Variants in ZBTB46 observed in about 807,000 individuals in gnomAD.
ZBTB46 encodes zinc finger and BTB domain containing 46.
Under a neutral mutation model 44.1 loss-of-function variants are expected in ZBTB46, and 8 were observed. That is an observed-to-expected ratio of 0.18 (90% CI 0.11 to 0.33). The LOEUF is 0.33. Among genes scored for constraint, ZBTB46 ranks in the 10% least tolerant of loss-of-function variants. The pLI, the probability that ZBTB46 is intolerant of heterozygous loss-of-function variation, is 1.00. For missense variants in ZBTB46, 651 were observed against 847.7 expected (o/e 0.77, Z 2.88); for synonymous variants, 409 against 382.3 (o/e 1.07, Z -0.81).
chr20:63,778,443 A>G (rs936273370), intron 2 of ZBTB46, among the ~76,000 whole-genome samples: 5 of 152,258 alleles, frequency 3.3e-5, no homozygotes, highest in Admixed American at 3.3e-4. Flanking sequence ...AATCGGGATC[A>G]GAACCACAGA....
chr20:63,767,864 A>G lies in ZBTB46; in HGVS notation c.1222+7814T>C. ...CCATCCAGGCCTGGGCTGGAAGAAG[A>G]CTCCTCAGGCATCCTGGACAGGCCA... On this transcript the variant is annotated intron_variant, in intron 3 of 4. Transcript: ENST00000245663. The surrounding 1 kb of genome is among the most constrained non-coding windows in gnomAD (Gnocchi z 5.0). 5 of 984,154 alleles carry G rather than the reference A, an allele frequency of 5.1e-6. No individual in the cohort carries two copies. The highest frequency in any genetic ancestry group is 6.0e-6 in the Non-Finnish European group (5 of 829,020). 61.0% of individuals were successfully genotyped at this position (984,154 alleles called of 1,614,324 possible).
intron 1 of ZBTB46, among the ~76,000 whole-genome samples, chr20:63,815,566 GGGCACA>G (rs1478049840): frequency 1.4e-5 from 2 of 139,456 alleles, no homozygotes; most frequent in East Asian, 4.8e-4. Flanking sequence ...GGGTGCAGAT[GGGCACA>G]GGTGCAGGTG....
intron 1 of ZBTB46, among the ~76,000 whole-genome samples, chr20:63,802,793 C>T (rs1158047841): frequency 6.9e-6 from 1 of 144,884 alleles, no homozygotes; most frequent in Non-Finnish European, 1.5e-5. Flanking sequence ...CCGCCGTGGC[C>T]GACGACCGAA....
chr20:63,800,715 A>G (rs777263627), intron 1 of ZBTB46, among the ~76,000 whole-genome samples: 18 of 152,230 alleles, frequency 1.2e-4, no homozygotes, highest in Non-Finnish European at 2.1e-4. Context: ...GGTGTCCGCC[A>G]GCAGTGCCGG....
At chr20:63,769,534 G>A (rs1291990751) in intron 3 of ZBTB46, among the ~76,000 whole-genome samples, 3 of 152,170 alleles carry the variant, frequency 2.0e-5, no homozygotes, top group Admixed American at 6.5e-5. Context: ...GTGTTTGAAC[G>A]CTTTGATCAG....
chr20:63,785,277 G>T (rs2092505608), intron 2 of ZBTB46, among the ~76,000 whole-genome samples: 1 of 150,332 alleles, frequency 6.7e-6, no homozygotes, highest in Non-Finnish European at 1.5e-5. Context: ...AAGGGACTTT[G>T]TGGCCCGGCA....
chr20:63,790,120 G>A lies in ZBTB46; in HGVS notation c.638C>T (p.Ser213Leu), dbSNP rs1252839805. The change falls in exon 2 of 5, where the codon TCA (serine) becomes TTA (leucine). Residue 213 changes from serine (S) to leucine (L), a missense_variant. By Grantham distance (145) the Ser-to-Leu change is moderately radical. This residue lies in a region of ZBTB46 where 385 missense variants were observed against 423.3 expected (regional missense o/e 0.91). Transcript: ENST00000245663. ...PKADGPDDVS[S>L]QPLWPGDVGY... ...CACGTCTCCAGGCCATAGAGGCTGTGAAGAAACATCATCAGGGCCATCGGC... is the reference window on the plus strand; with the variant it reads ...CACGTCTCCAGGCCATAGAGGCTGTAAAGAAACATCATCAGGGCCATCGGC... 6.2e-7 allele frequency: 1 copy of A among 1,614,042 alleles called. No homozygotes were observed.
chr20:63,828,912 C>T (rs2092833708), intron 1 of ZBTB46, among the ~76,000 whole-genome samples: 1 of 152,228 alleles, frequency 6.6e-6, no homozygotes, highest in South Asian at 2.1e-4. Flanking sequence ...TGGAGCTGCA[C>T]CGCTGTCCCA....
intron 1 of ZBTB46, among the ~76,000 whole-genome samples, chr20:63,822,641 G>T (rs1425022359): frequency 6.6e-6 from 1 of 152,126 alleles, no homozygotes; most frequent in Non-Finnish European, 1.5e-5. Context: ...GAACAGCACT[G>T]ACCACACGGC....
intron 1 of ZBTB46, among the ~76,000 whole-genome samples, chr20:63,823,858 T>TTTGTGTGTGTGTGTGTGTGTGTGTGTGTG (rs144086739): frequency 6.9e-6 from 1 of 144,718 alleles, no homozygotes; most frequent in Non-Finnish European, 1.5e-5. Flanking sequence ...TCTAGGAACC[T>TTTGTGTGTGTGTGTGTGTGTGTGTGTGTG]TGTGTGTGTG....
chr20:63,777,000 A>G (rs1019634898), intron 2 of ZBTB46, among the ~76,000 whole-genome samples: 7 of 150,988 alleles, frequency 4.6e-5, no homozygotes, highest in Non-Finnish European at 8.8e-5. Context: ...CCACCACACA[A>G]TACGGTTCCA....
At chr20:63,822,630 G>A (rs926626525) in intron 1 of ZBTB46, among the ~76,000 whole-genome samples, 1 of 152,108 alleles carries the variant, frequency 6.6e-6, no homozygotes, top group Non-Finnish European at 1.5e-5. Context: ...AGGAGAAACA[G>A]GAACAGCACT....
intron 2 of ZBTB46, among the ~76,000 whole-genome samples, chr20:63,789,045 G>A (rs1485145065): frequency 1.3e-5 from 2 of 150,906 alleles, no homozygotes; most frequent in East Asian, 2.0e-4. Context: ...TTGAACTCCC[G>A]ACCTCAGGTG....
chr20:63,821,518 C>T (rs1342757900), intron 1 of ZBTB46, among the ~76,000 whole-genome samples: 1 of 151,204 alleles, frequency 6.6e-6, no homozygotes. Context: ...CAGCTCACTG[C>T]AACCTCCACC....
rs191529508 is a variant in ZBTB46 at position 63,767,451 on chromosome 20, G to A, written c.1222+8227C>T. Among the ~76,000 whole-genome samples the A allele has an allele frequency of 2.0e-5, 3 of 152,076 alleles. No homozygotes were observed. The highest frequency in any genetic ancestry group is 4.4e-5 in the Non-Finnish European group (3 of 68,022). Reference sequence around the variant, plus strand: ...AAATGACCACAGAAAGGCACACACCGGCTCCCAGTCACAGCTCTCCGCAGA... The same window carrying A: ...AAATGACCACAGAAAGGCACACACCAGCTCCCAGTCACAGCTCTCCGCAGA... On this transcript the variant is annotated intron_variant, in intron 3 of 4. Transcript: ENST00000245663. This position sits in a 1 kb window ranked among gnomAD's most constrained non-coding sequence, Gnocchi z 5.0.
At chr20:63,751,825 C>T (rs1334547234) in intron 4 of ZBTB46, among the ~76,000 whole-genome samples, 4 of 149,466 alleles carry the variant, frequency 2.7e-5, no homozygotes, top group Non-Finnish European at 6.0e-5. Context: ...TGAAGCCCCG[C>T]CCCCCGGTGG....
chr20:63,806,491 T>C (rs1601513091), intron 1 of ZBTB46, among the ~76,000 whole-genome samples: 1 of 151,750 alleles, frequency 6.6e-6, no homozygotes, highest in Non-Finnish European at 1.5e-5. Context: ...AAATCTGAGA[T>C]ACTGCTATGG....
At chr20:63,832,887 C>G (rs2092859183), upstream of ZBTB46, among the ~76,000 whole-genome samples, 1 of 152,128 alleles carries the variant, frequency 6.6e-6, no homozygotes, top group Non-Finnish European at 1.5e-5. This position sits in a 1 kb window ranked among gnomAD's most constrained non-coding sequence, Gnocchi z 5.0. Flanking sequence ...ACAGCACTGC[C>G]TGCAGGAGCC....
rs370264129 is a variant in ZBTB46, at chr20:63,775,959, G to A, written c.941C>T (p.Ala314Val). The A allele has an allele frequency of 1.5e-5, 23 of 1,556,360 alleles. No homozygotes were observed. Among genetic ancestry groups the A allele is most frequent in the Admixed American group, 3.7e-5 (2 of 53,756 alleles). The change falls in exon 3 of 5, where the codon GCG (alanine) becomes GTG (valine). Residue 314 changes from alanine (A) to valine (V), a missense_variant. Physicochemically the swap from Ala to Val is moderately conservative, Grantham distance 64 (BLOSUM62 0). Around this residue, in one of 5 missense-constraint regions of ZBTB46, gnomAD observed 385 missense variants for 423.3 expected, o/e 0.91. Transcript: ENST00000245663. ...GWPFSSRDSNADLSVTEASSS... is the reference protein window; with the variant it reads ...GWPFSSRDSNVDLSVTEASSS... ...GCTGGCTTCGGTGACGGACAGGTCCGCATCTGGGGACAGAGGGACACACGT... is the reference window on the plus strand; with the variant it reads ...GCTGGCTTCGGTGACGGACAGGTCCACATCTGGGGACAGAGGGACACACGT...
Sources: allele counts gnomAD v4.1 joint callset (sites outside exome capture counted in the v4.1 genomes callset), GRCh38; gene constraint gnomAD v4.1.1; regional missense constraint gnomAD v4.1.1; non-coding constraint Gnocchi (gnomAD v3.1); transcripts MANE v1.5; gene names NCBI Gene and HGNC (gene_info 2026-07-23, HGNC 2026-07-21).